Variants in SMAP1 observed in about 807,000 individuals in gnomAD.
SMAP1 encodes stromal membrane-associated protein 1.
Under a neutral mutation model 58.5 loss-of-function variants are expected in SMAP1, and 24 were observed. That is an observed-to-expected ratio of 0.41 (90% CI 0.30 to 0.58). The LOEUF is 0.58. Ranked by LOEUF, SMAP1 falls within the 20% of genes least tolerant of loss-of-function variation. SMAP1 has a pLI of 0.29. For synonymous variants in SMAP1, 216 were observed against 196.6 expected, an observed-to-expected ratio of 1.10 and a Z score of -0.82; for missense variants, 563 against 566.3, an observed-to-expected ratio of 0.99 and a Z score of 0.06.
intron 2 of SMAP1, among the ~76,000 whole-genome samples, chr6:70,745,204 T>C (rs1765978420): frequency 6.6e-6 from 1 of 152,216 alleles, no homozygotes; most frequent in Admixed American, 6.5e-5. Flanking sequence ...AATTTTGGCT[T>C]TTGTTGCCAT....
chr6:70,686,140 T>G (rs1766927677), intron 1 of SMAP1, among the ~76,000 whole-genome samples: 1 of 152,190 alleles, frequency 6.6e-6, no homozygotes, highest in African/African-American at 2.4e-5. Flanking sequence ...TTATGAAAAT[T>G]TCTGTGGTGA....
intron 7 of SMAP1, among the ~76,000 whole-genome samples, chr6:70,850,958 A>C (rs1206614292): frequency 6.6e-6 from 1 of 152,196 alleles, no homozygotes; most frequent in Non-Finnish European, 1.5e-5. Context: ...TTCATGTATG[A>C]GTCTTAATTC....
intron 1 of SMAP1, among the ~76,000 whole-genome samples, chr6:70,715,052 A>G (rs531234835): frequency 2.8e-5 from 4 of 144,748 alleles, no homozygotes; most frequent in Non-Finnish European, 4.6e-5. Flanking sequence ...ATTTTTGACA[A>G]TTTGATGATA....
At position 70,776,890 on chromosome 6, in the gene SMAP1, A is replaced by G. The variant is rs10214715; in HGVS notation, c.414+3465A>G. 7.9e-3 allele frequency among the ~76,000 whole-genome samples: 1,200 copies of G among 152,292 alleles called. 12 individuals carry two copies. Among genetic ancestry groups the G allele is most frequent in the African/African-American group, 0.028 (1,148 of 41,556 alleles). On this transcript the variant is annotated intron_variant, in intron 4 of 10. Transcript: ENST00000370455. Reference sequence around the variant, plus strand: ...TCACACTTTAAAAATCTGTTCATCTATTGATGGAAATTTAGGTTAATTCTG... The same window carrying G: ...TCACACTTTAAAAATCTGTTCATCTGTTGATGGAAATTTAGGTTAATTCTG...
intron 4 of SMAP1, among the ~76,000 whole-genome samples, chr6:70,774,690 TG>T: frequency 6.6e-6 from 1 of 151,842 alleles, no homozygotes; most frequent in Non-Finnish European, 1.5e-5. Flanking sequence ...ACCAGGCTGC[TG>T]GGCAACATAG....
intron 1 of SMAP1, among the ~76,000 whole-genome samples, chr6:70,699,727 G>T (rs1234052045): frequency 6.6e-6 from 1 of 151,680 alleles, no homozygotes; most frequent in African/African-American, 2.4e-5. Context: ...TGATGTTAAC[G>T]TAAGGTCCGA....
chr6:70,710,566 G>T (rs928315881), intron 1 of SMAP1, among the ~76,000 whole-genome samples: 1 of 150,530 alleles, frequency 6.6e-6, no homozygotes, highest in African/African-American at 2.4e-5. Context: ...GGAGCTTGCA[G>T]AATTGGCAGT....
chr6:70,777,137 C>G (rs1485005055), intron 4 of SMAP1, among the ~76,000 whole-genome samples: 1 of 152,126 alleles, frequency 6.6e-6, no homozygotes, highest in East Asian at 1.9e-4. Context: ...TCTCTGTATC[C>G]TCTCTGGTAT....
At chr6:70,826,714 C>T (rs949878282) in intron 6 of SMAP1, among the ~76,000 whole-genome samples, 10 of 151,938 alleles carry the variant, frequency 6.6e-5, no homozygotes, top group Admixed American at 6.6e-4. Flanking sequence ...GGTGATTGCA[C>T]CACTGCACTC....
rs377479565 is a variant in SMAP1, at chr6:70,800,823, A to G, written c.576+2086A>G. Among the ~76,000 whole-genome samples the G allele has an allele frequency of 1.6e-3, 241 of 152,262 alleles. 1 individual carries two copies. Among genetic ancestry groups the G allele is most frequent in the Middle Eastern group, 6.8e-3 (2 of 294 alleles). On this transcript the variant is annotated intron_variant, in intron 6 of 10. Coordinates refer to ENST00000370455, the MANE Select transcript of SMAP1 (RefSeq NM_001044305.3). ...AGAATGATGGTTTCCAGCTTCATCC[A>G]TGTCCCTGTGAAGGACATGAACTCG...
At chr6:70,708,697 G>T (rs2149835508) in intron 1 of SMAP1, among the ~76,000 whole-genome samples, 1 of 152,172 alleles carries the variant, frequency 6.6e-6, no homozygotes, top group African/African-American at 2.4e-5. Flanking sequence ...GTTTCGATTT[G>T]CATTTATCTG....
intron 10 of SMAP1, chr6:70,859,594 C>G (rs1582327332): frequency 7.3e-6 from 3 of 410,156 alleles, no homozygotes; most frequent in South Asian, 5.7e-5. Flanking sequence ...CTTTCCTTCT[C>G]TTATCACCAA....
At chr6:70,677,432 CTTTTTTTTTTTTTTTTT>C (rs58133069) in intron 1 of SMAP1, among the ~76,000 whole-genome samples, 4 of 60,376 alleles carry the variant, frequency 6.6e-5, no homozygotes, top group African/African-American at 3.2e-4. Context: ...CTTGTCACTT[CTTTTTTTTTTTTTTTTT>C]TTTTTTTTTT....
At chr6:70,708,443 A>T (rs1296289226) in intron 1 of SMAP1, among the ~76,000 whole-genome samples, 2 of 152,192 alleles carry the variant, frequency 1.3e-5, no homozygotes, top group African/African-American at 2.4e-5. Context: ...GGGAGTCCAG[A>T]TGTCTCTATG....
intron 1 of SMAP1, among the ~76,000 whole-genome samples, chr6:70,676,041 A>G (rs1374396322): frequency 6.6e-6 from 1 of 152,148 alleles, no homozygotes; most frequent in East Asian, 1.9e-4. Flanking sequence ...GCATCATTTT[A>G]CATGTGTGGT....
At chr6:70,837,211 C>G (rs951124892) in intron 7 of SMAP1, among the ~76,000 whole-genome samples, 183 bp downstream of exon 7, 2 of 152,176 alleles carry the variant, frequency 1.3e-5, no homozygotes, top group African/African-American at 4.8e-5. Flanking sequence ...GAGCCAGTGT[C>G]TGTCAGCACT....
chr6:70,749,130 A>G (rs1450853254), intron 2 of SMAP1, among the ~76,000 whole-genome samples: 1 of 152,202 alleles, frequency 6.6e-6, no homozygotes, highest in Non-Finnish European at 1.5e-5. Flanking sequence ...ACTTATAATT[A>G]TGGCGGAAGG....
At chr6:70,852,404 G>T in intron 7 of SMAP1, 136 bp from the exon 8 acceptor site, 1 of 831,722 alleles carries the variant, frequency 1.2e-6, no homozygotes, top group Non-Finnish European at 1.7e-6. Context: ...TCGGGGGTAG[G>T]TAGAAGGAGA....
At chr6:70,749,098 C>T (rs539659871) in intron 2 of SMAP1, among the ~76,000 whole-genome samples, 1 of 152,244 alleles carries the variant, frequency 6.6e-6, no homozygotes, top group African/African-American at 2.4e-5. Context: ...CTCGGTTCCT[C>T]ATGGCTGGGA....
Sources: allele counts gnomAD v4.1 joint callset (sites outside exome capture counted in the v4.1 genomes callset), GRCh38; gene constraint gnomAD v4.1.1; transcripts MANE v1.5; gene names NCBI Gene and HGNC (gene_info 2026-07-23, HGNC 2026-07-21).